Variants in RIMS2 observed in about 807,000 individuals in gnomAD.
The protein encoded by RIMS2 is regulating synaptic membrane exocytosis protein 2.
Under a neutral mutation model 174.4 loss-of-function variants are expected in RIMS2, and 59 were observed. The ratio of observed to expected loss-of-function variants is 0.34; its 90% CI spans 0.27 to 0.42. RIMS2 has a LOEUF of 0.42. Ranked by LOEUF, RIMS2 falls within the 10% of genes least tolerant of loss-of-function variation. RIMS2 has a pLI of 1.00. For missense variants in RIMS2, 1,620 were observed against 1,666.3 expected (o/e 0.97, Z 0.48); for synonymous variants, 606 against 572.5 (o/e 1.06, Z -0.84).
intron 19 of RIMS2, among the ~76,000 whole-genome samples, chr8:104,179,689 A>T (rs1448718751): frequency 6.6e-6 from 1 of 151,896 alleles, no homozygotes; most frequent in Non-Finnish European, 1.5e-5. Flanking sequence ...TAATGAATAT[A>T]CACCTATTTA....
intron 2 of RIMS2, among the ~76,000 whole-genome samples, chr8:103,718,002 C>T (rs1204268812): frequency 6.6e-6 from 1 of 151,496 alleles, no homozygotes; most frequent in East Asian, 1.9e-4. Context: ...TAAGTCTAGA[C>T]AGCAAATTCT....
intron 1 of RIMS2, among the ~76,000 whole-genome samples, chr8:103,686,268 C>A (rs1233920163): frequency 6.6e-6 from 1 of 152,092 alleles, no homozygotes; most frequent in Non-Finnish European, 1.5e-5. Context: ...ACAGGTAGGG[C>A]AACTGCAAAT....
chr8:104,183,811 G>A (rs543148508), intron 19 of RIMS2, among the ~76,000 whole-genome samples: 1 of 151,526 alleles, frequency 6.6e-6, no homozygotes, highest in Admixed American at 6.6e-5. Flanking sequence ...ATTTTTAAAA[G>A]TCTCGTTAAT....
chr8:104,097,580 CAG>C (rs1180994569), intron 19 of RIMS2, among the ~76,000 whole-genome samples: 15 of 149,666 alleles, frequency 1.0e-4, no homozygotes, highest in African/African-American at 3.7e-4. Context: ...GTAGCATCAC[CAG>C]AACACCTATA....
intron 19 of RIMS2, among the ~76,000 whole-genome samples, chr8:104,206,342 A>C (rs2137339692): frequency 6.6e-6 from 1 of 152,346 alleles, no homozygotes; most frequent in South Asian, 2.1e-4. Context: ...AACTTTAGAA[A>C]CAAAAAATTC....
At chr8:103,796,914 C>T (rs956191737) in intron 3 of RIMS2, among the ~76,000 whole-genome samples, 7 of 152,126 alleles carry the variant, frequency 4.6e-5, no homozygotes, top group African/African-American at 1.7e-4. Context: ...AGTTCTGCAC[C>T]TCTGAGGTCC....
rs983709685 is a variant in RIMS2 at position 103,759,585 on chromosome 8, A to G, written c.388-6642A>G. Among the ~76,000 whole-genome samples the G allele has an allele frequency of 3.2e-4, 48 of 150,460 alleles. No individual in the cohort carries two copies. The South Asian group carries it at 0.01, about 31-fold the overall frequency. On this transcript the variant is annotated intron_variant, in intron 2 of 23. Coordinates refer to ENST00000504942, the Ensembl canonical transcript of RIMS2. ...GTCTCAAAAAAAAAAAAAAAAAAAAAAAAGAAAAGAAAAAAGAAAGGCCAA... is the reference window on the plus strand; with the variant it reads ...GTCTCAAAAAAAAAAAAAAAAAAAAGAAAGAAAAGAAAAAAGAAAGGCCAA...
intron 3 of RIMS2, among the ~76,000 whole-genome samples, chr8:103,858,434 T>C (rs1007177806): frequency 6.6e-6 from 1 of 152,102 alleles, no homozygotes; most frequent in Non-Finnish European, 1.5e-5. Flanking sequence ...TAGAAGGCAT[T>C]GGATTATCAT....
At chr8:103,929,510 A>C (rs1352624159) in intron 11 of RIMS2, among the ~76,000 whole-genome samples, 1 of 151,762 alleles carries the variant, frequency 6.6e-6, no homozygotes, top group Non-Finnish European at 1.5e-5. Flanking sequence ...TAAATTGCAG[A>C]ATTTTTTTTT....
At chr8:103,629,458 T>C (rs1180648288) in intron 1 of RIMS2, among the ~76,000 whole-genome samples, 1 of 152,140 alleles carries the variant, frequency 6.6e-6, no homozygotes, top group Non-Finnish European at 1.5e-5. Flanking sequence ...TGGAAAGGCT[T>C]TGAGAACTAA....
intron 3 of RIMS2, among the ~76,000 whole-genome samples, chr8:103,878,138 GACAC>G (rs1391607459): frequency 6.6e-6 from 1 of 151,842 alleles, no homozygotes; most frequent in African/African-American, 2.4e-5. Context: ...TTCCTGTACT[GACAC>G]ACACTCACTC....
chr8:103,524,763 A>G (rs1006417050), intron 1 of RIMS2, among the ~76,000 whole-genome samples: 1 of 152,108 alleles, frequency 6.6e-6, no homozygotes, highest in Non-Finnish European at 1.5e-5. Context: ...GCAGTCACCC[A>G]TTGCTACCCC....
chr8:104,147,519 G>T (rs1297852343), intron 19 of RIMS2, among the ~76,000 whole-genome samples: 1 of 151,938 alleles, frequency 6.6e-6, no homozygotes, highest in East Asian at 1.9e-4. Flanking sequence ...AGACATAAGA[G>T]TTCACCTCAA....
intron 14 of RIMS2, among the ~76,000 whole-genome samples, chr8:103,946,364 C>T (rs988066317): frequency 5.3e-5 from 8 of 151,962 alleles, no homozygotes; most frequent in African/African-American, 9.7e-5. Flanking sequence ...TGGTGGCAGG[C>T]GCCTGTAATC....
chr8:103,668,204 A>T (rs2096698689), intron 1 of RIMS2, among the ~76,000 whole-genome samples: 1 of 152,218 alleles, frequency 6.6e-6, no homozygotes. Flanking sequence ...ATTGTTATCA[A>T]TCTGCAATAT....
At chr8:103,681,668 CA>C (rs1170655026) in intron 1 of RIMS2, among the ~76,000 whole-genome samples, 1 of 151,874 alleles carries the variant, frequency 6.6e-6, no homozygotes, top group Non-Finnish European at 1.5e-5. Flanking sequence ...AAAGAAACTG[CA>C]AAAAAATTAA....
At chr8:104,045,862 T>C (rs1256072233) in intron 19 of RIMS2, among the ~76,000 whole-genome samples, 5 of 151,946 alleles carry the variant, frequency 3.3e-5, no homozygotes, top group Non-Finnish European at 5.9e-5. Flanking sequence ...ATTGAATAGA[T>C]TTCAAACATT....
At chr8:104,152,654 A>C (rs982555760) in intron 19 of RIMS2, among the ~76,000 whole-genome samples, 3 of 152,116 alleles carry the variant, frequency 2.0e-5, no homozygotes, top group Non-Finnish European at 4.4e-5. Context: ...CATTATCTAC[A>C]ATAATGAACT....
At chr8:103,850,020 A>G (rs1049054322) in intron 3 of RIMS2, among the ~76,000 whole-genome samples, 9 of 152,050 alleles carry the variant, frequency 5.9e-5, no homozygotes, top group Non-Finnish European at 1.3e-4. Flanking sequence ...TGGACGTAGC[A>G]AAAGACAATT....
Sources: gnomAD v4.1 joint callset for allele counts (sites outside exome capture counted in the v4.1 genomes callset) on GRCh38, gnomAD v4.1.1 for gene constraint, MANE v1.5 for transcripts, NCBI Gene and HGNC (gene_info 2026-07-23, HGNC 2026-07-21) for gene names.